The following PHGDH variants were observed in gnomAD, a reference collection of about 807,000 sequenced individuals.
PHGDH encodes D-3-phosphoglycerate dehydrogenase.
A neutral mutation model predicts 52.6 loss-of-function variants in PHGDH; 50 were observed. The observed-to-expected ratio is 0.95, with a 90% CI of 0.76 to 1.20. The LOEUF (loss-of-function observed/expected upper bound fraction) is 1.20, where lower values mean the gene tolerates loss of function less well. PHGDH is among the 50% of genes most tolerant of loss of function. The probability of loss-of-function intolerance (pLI) is 0.00; values close to 1 mark genes in which losing one functional copy is unlikely to be tolerated. For synonymous variants in PHGDH, 271 were observed against 280.5 expected (o/e 0.97, Z 0.34); for missense variants, 630 against 684.6 (o/e 0.92, Z 0.89).
rs113345627 is a variant in PHGDH at position 119,732,651 on chromosome 1, T to C, written c.511-1983T>C. Among the ~76,000 whole-genome samples, 367 of 152,336 alleles carry C rather than the reference T, an allele frequency of 2.4e-3. 1 individual carries two copies. Among genetic ancestry groups the C allele is most frequent in the African/African-American group, 8.4e-3 (349 of 41,584 alleles). On this transcript the variant is annotated intron_variant, in intron 5 of 11. Coordinates refer to ENST00000641023, the MANE Select transcript of PHGDH (RefSeq NM_006623.4). Reference sequence around the variant, plus strand: ...GGTTTGCTCAGCCAGATTCCTTCCCTGCAGTCATCTGCAGATAAATGAGAT... The same window carrying C: ...GGTTTGCTCAGCCAGATTCCTTCCCCGCAGTCATCTGCAGATAAATGAGAT...
chr1:119,732,465 C>T (rs1194618662), intron 5 of PHGDH, among the ~76,000 whole-genome samples: 6 of 152,258 alleles, frequency 3.9e-5, no homozygotes, highest in East Asian at 3.9e-4. Flanking sequence ...GACATCTGAC[C>T]CTTTCCAGGA....
chr1:119,715,142 C>T (rs1223310813), intron 1 of PHGDH, among the ~76,000 whole-genome samples: 1 of 152,206 alleles, frequency 6.6e-6, no homozygotes, highest in African/African-American at 2.4e-5. Context: ...AACACTCATA[C>T]ATATGTGTAC....
intron 5 of PHGDH, chr1:119,734,318 C>T (rs1273323094): frequency 2.1e-5 from 8 of 386,252 alleles, no homozygotes; most frequent in African/African-American, 4.2e-5. Flanking sequence ...GACGCACCTT[C>T]TTTTGAGCTC....
chr1:119,739,611 G>A (rs919887600), intron 8 of PHGDH: 1 of 152,166 alleles, frequency 6.6e-6, no homozygotes, highest in Non-Finnish European at 1.5e-5. Flanking sequence ...ACATCTTGTA[G>A]CTGCCTGTTT....
chr1:119,743,666 G>C (rs587617030), intron 11 of PHGDH, among the ~76,000 whole-genome samples: 2 of 152,220 alleles, frequency 1.3e-5, no homozygotes, highest in Admixed American at 1.3e-4. Flanking sequence ...AAAGTCAAGA[G>C]CTACAGCTGA....
rs1651612424 is a variant in PHGDH at position 119,729,833 on chromosome 1, G to A, written c.510+2731G>A. ...CCTCAGAGCAGGTCACCCACTGAATGTTTTATTCCCATTCCCAGCATGGTG... is the reference window on the plus strand; with the variant it reads ...CCTCAGAGCAGGTCACCCACTGAATATTTTATTCCCATTCCCAGCATGGTG... On this transcript the variant is annotated intron_variant, in intron 5 of 11. Transcript: ENST00000641023. 2.0e-5 allele frequency: 3 copies of A among 152,216 alleles called. No homozygotes were observed. The South Asian group carries it at 6.2e-4, about 32-fold the overall frequency. 9.4% of individuals were successfully genotyped at this position (152,216 alleles called of 1,614,324 possible).
intron 1 of PHGDH, chr1:119,719,530 A>G (rs1313773789): frequency 3.3e-5 from 5 of 152,236 alleles, no homozygotes; most frequent in Non-Finnish European, 7.3e-5. Context: ...GCCCCCAAGC[A>G]GTGAGGATGT....
chr1:119,713,280 C>CAG (rs1650785780), intron 1 of PHGDH: 1 of 152,456 alleles, frequency 6.6e-6, no homozygotes, highest in South Asian at 2.1e-4. Flanking sequence ...CCTTAGACCG[C>CAG]AGAGGCTGCT....
At chr1:119,735,900 C>T (rs1055538687) in intron 7 of PHGDH, among the ~76,000 whole-genome samples, 4 of 152,140 alleles carry the variant, frequency 2.6e-5, no homozygotes, top group African/African-American at 4.8e-5. Flanking sequence ...GACAGAAGCC[C>T]GAGGATACTG....
intron 5 of PHGDH, among the ~76,000 whole-genome samples, chr1:119,732,120 G>C (rs1651719743): frequency 6.6e-6 from 1 of 152,240 alleles, no homozygotes; most frequent in Non-Finnish European, 1.5e-5. Context: ...CTGTGGGGCA[G>C]AGAGAGCACG....
chr1:119,739,263 G>A (rs972701205), intron 8 of PHGDH, among the ~76,000 whole-genome samples: 1 of 152,174 alleles, frequency 6.6e-6, no homozygotes, highest in African/African-American at 2.4e-5. Context: ...GAGATGTGCC[G>A]AGGTGCCTGC....
chr1:119,721,934 A>G (rs1278753084), intron 2 of PHGDH, among the ~76,000 whole-genome samples: 1 of 152,246 alleles, frequency 6.6e-6, no homozygotes, highest in Non-Finnish European at 1.5e-5. Context: ...TCAGCACGCC[A>G]GTGCTGTACT....
rs151275800 is a variant in PHGDH, at chr1:119,743,997, C to T, written c.1559C>T (p.Ala520Val). Residue 520 changes from alanine (A) to valine (V), a missense_variant, in exon 12 of 12, where the codon GCG becomes GTG. Ala to Val is a moderately conservative substitution (Grantham distance 64, BLOSUM62 0). Coordinates refer to ENST00000641023, the MANE Select transcript of PHGDH (RefSeq NM_006623.4). The part of the protein sequence containing the change: ...GISSLLPSLE[A>V]WKQHVTEAFQ... ...TCCTCCTTGCTGCCCAGCCTGGAAGCGTGGAAGCAGCATGTGACTGAAGCC... is the reference window on the plus strand; with the variant it reads ...TCCTCCTTGCTGCCCAGCCTGGAAGTGTGGAAGCAGCATGTGACTGAAGCC... 9 of 1,614,096 alleles carry T rather than the reference C, an allele frequency of 5.6e-6. No homozygotes were observed. The highest frequency in any genetic ancestry group is 2.2e-5 in the East Asian group (1 of 44,880).
chr1:119,742,974 C>T lies in PHGDH; in HGVS notation c.1377C>T (p.Leu459=). 1 of 1,614,148 alleles carries T rather than the reference C, an allele frequency of 6.2e-7. No individual in the cohort carries two copies. Among genetic ancestry groups the T allele is most frequent in the East Asian group, 2.2e-5 (1 of 44,878 alleles). The change falls in exon 11 of 12, where the codon CTC becomes CTT. Residue 459 remains leucine, a synonymous_variant. Transcript: ENST00000641023. ...NGAVFRPEVP[L]RRDLPLLLFR... The stretch of plus-strand genomic sequence containing the variant: ...CTGTCTTCAGGCCAGAAGTGCCTCT[C>T]CGCAGGGACCTGCCCCTGCTCCTAT...
At chr1:119,714,515 T>A (rs1055484990) in intron 1 of PHGDH, 4 of 152,258 alleles carry the variant, frequency 2.6e-5, no homozygotes, top group African/African-American at 7.2e-5. Context: ...GAATTTTGTT[T>A]CATTTATGTT....
chr1:119,718,778 A>T (rs1306301489), intron 1 of PHGDH, among the ~76,000 whole-genome samples: 2 of 152,188 alleles, frequency 1.3e-5, no homozygotes, highest in Admixed American at 6.5e-5. Context: ...GGTACTATGG[A>T]TATATGGTAT....
At chr1:119,720,977 TA>T in intron 1 of PHGDH, 192 bp from the exon 2 acceptor site, 1 of 642,908 alleles carries the variant, frequency 1.6e-6, no homozygotes. Flanking sequence ...CCACTCTAAG[TA>T]AAAATCAGCA....
intron 1 of PHGDH, among the ~76,000 whole-genome samples, chr1:119,717,888 G>GA (rs1364034085): frequency 6.6e-6 from 1 of 152,160 alleles, no homozygotes; most frequent in Admixed American, 6.5e-5. Flanking sequence ...AGTTATTTGG[G>GA]AAAGAGGGTG....
intron 3 of PHGDH, chr1:119,725,029 G>C (rs1651343639): frequency 2.2e-6 from 1 of 456,224 alleles, no homozygotes; most frequent in Non-Finnish European, 4.4e-6. Flanking sequence ...AGGCGTGGCT[G>C]GGCCTCACAG....
Sources: allele counts gnomAD v4.1 joint callset (sites outside exome capture counted in the v4.1 genomes callset), GRCh38; gene constraint gnomAD v4.1.1; transcripts MANE v1.5; gene names NCBI Gene and HGNC (gene_info 2026-07-23, HGNC 2026-07-21).